The following PIAS1 variants were observed in gnomAD, a reference collection of about 807,000 sequenced individuals.
PIAS1 encodes protein inhibitor of activated STAT 1.
PIAS1 carries 6 observed loss-of-function variants against 71.3 expected under a neutral mutation model. The ratio of observed to expected loss-of-function variants is 0.08; its 90% CI spans 0.05 to 0.17. The LOEUF is 0.17. Ranked by LOEUF, PIAS1 falls within the 10% of genes least tolerant of loss-of-function variation. PIAS1 has a pLI of 1.00. For synonymous variants in PIAS1, 303 were observed against 292.9 expected (o/e 1.03, Z -0.35); for missense variants, 555 against 793.6 (o/e 0.70, Z 3.61).
At chr15:68,091,716 G>T (rs758798882) in intron 2 of PIAS1, among the ~76,000 whole-genome samples, 3 of 152,138 alleles carry the variant, frequency 2.0e-5, no homozygotes, top group Non-Finnish European at 4.4e-5. Context: ...TACCAAACAT[G>T]ATAGGTTAGC....
At chr15:68,113,963 A>T (rs1455480559) in intron 2 of PIAS1, among the ~76,000 whole-genome samples, 3 of 151,974 alleles carry the variant, frequency 2.0e-5, no homozygotes. Context: ...TTGAAAATTC[A>T]GAAATCTAGC....
intron 7 of PIAS1, among the ~76,000 whole-genome samples, chr15:68,164,351 C>G (rs952120531): frequency 3.3e-5 from 5 of 151,830 alleles, no homozygotes; most frequent in African/African-American, 1.2e-4. Context: ...AGTAGAAGAG[C>G]CCAAGTAATA....
intron 2 of PIAS1, among the ~76,000 whole-genome samples, chr15:68,087,680 T>TA (rs1387017517): frequency 6.6e-6 from 1 of 152,198 alleles, no homozygotes; most frequent in Non-Finnish European, 1.5e-5. Flanking sequence ...TTTACCCGTA[T>TA]AGTAAAAGCT....
chr15:68,055,736 C>CT (rs2091888919), intron 1 of PIAS1: 1 of 503,738 alleles, frequency 2.0e-6, no homozygotes, highest in African/African-American at 1.9e-5. Context: ...GGAGAGTCTT[C>CT]TTTTTATAAT....
At chr15:68,129,803 ACAC>A (rs1231804258) in intron 2 of PIAS1, among the ~76,000 whole-genome samples, 3 of 133,488 alleles carry the variant, frequency 2.2e-5, no homozygotes, top group African/African-American at 8.6e-5. Flanking sequence ...TTACACACAC[ACAC>A]ACACACACAC....
chr15:68,156,788 T>C (rs1355388768), intron 7 of PIAS1, among the ~76,000 whole-genome samples: 1 of 150,442 alleles, frequency 6.6e-6, no homozygotes, highest in Non-Finnish European at 1.5e-5. Context: ...AGGTATAAGT[T>C]GACATAGACG....
chr15:68,097,717 G>A (rs1299183758), intron 2 of PIAS1, among the ~76,000 whole-genome samples: 1 of 152,138 alleles, frequency 6.6e-6, no homozygotes, highest in Non-Finnish European at 1.5e-5. Context: ...ACAGGTGTGA[G>A]CCACCGTGCC....
chr15:68,121,102 T>G (rs780513388), intron 2 of PIAS1, among the ~76,000 whole-genome samples: 29 of 152,208 alleles, frequency 1.9e-4, no homozygotes, highest in African/African-American at 3.9e-4. Context: ...TAATCTGGTG[T>G]TGTTTTCCTA....
In PIAS1 at chr15:68,065,234, C is replaced by G. The variant is rs2092004357; in HGVS notation, c.24+10884C>G. On this transcript the variant is annotated intron_variant, in intron 1 of 13. Coordinates refer to ENST00000249636, the MANE Select transcript of PIAS1 (RefSeq NM_016166.3). ...TTTAAAATTTACAGTACAGCAGTGC[C>G]TAATTTAAAATGGGACGATCCCTTT... Among the ~76,000 whole-genome samples the G allele has an allele frequency of 2.0e-5, 3 of 152,002 alleles. No homozygotes were observed. The South Asian group carries it at 6.2e-4, about 31-fold the overall frequency.
At position 68,186,847 on chromosome 15, in the gene PIAS1, C is replaced by G. The variant is rs1396452623; in HGVS notation, c.1663-695C>G. 6.6e-6 allele frequency among the ~76,000 whole-genome samples: 1 copy of G among 152,282 alleles called. No homozygotes were observed. The highest frequency in any genetic ancestry group is 1.9e-4 in the East Asian group (1 of 5,204). The stretch of plus-strand genomic sequence containing the variant: ...CCTGGGAGCAGTAGGCCAGACCACA[C>G]AGCCTAGGTGTGTAGCAGGCTCTAC... On this transcript the variant is annotated intron_variant, in intron 13 of 13. Coordinates refer to ENST00000249636, the MANE Select transcript of PIAS1 (RefSeq NM_016166.3). The surrounding 1 kb of genome is among the most constrained non-coding windows in gnomAD (Gnocchi z 4.4).
chr15:68,149,564 A>G (rs2092831761), intron 6 of PIAS1, among the ~76,000 whole-genome samples: 1 of 152,018 alleles, frequency 6.6e-6, no homozygotes, highest in African/African-American at 2.4e-5. Flanking sequence ...TGGGTTTCCT[A>G]CAATTCCTGC....
chr15:68,119,847 C>G (rs2092598631), intron 2 of PIAS1, among the ~76,000 whole-genome samples: 2 of 152,218 alleles, frequency 1.3e-5, no homozygotes, highest in African/African-American at 4.8e-5. Context: ...TTTGGAAGCT[C>G]TACTATTATG....
intron 2 of PIAS1, among the ~76,000 whole-genome samples, chr15:68,111,769 A>G (rs951354368): frequency 2.0e-5 from 3 of 152,200 alleles, no homozygotes; most frequent in African/African-American, 4.8e-5. Flanking sequence ...AAGGTTTATT[A>G]TACTAAACGG....
At chr15:68,133,004 G>A (rs1279050404) in intron 2 of PIAS1, among the ~76,000 whole-genome samples, 1 of 149,242 alleles carries the variant, frequency 6.7e-6, no homozygotes, top group Non-Finnish European at 1.5e-5. Flanking sequence ...TCCGAAAAAA[G>A]CCAGTAGCTT....
chr15:68,068,438 G>A (rs956599608), intron 1 of PIAS1, among the ~76,000 whole-genome samples: 3 of 152,136 alleles, frequency 2.0e-5, no homozygotes, highest in Non-Finnish European at 4.4e-5. Context: ...AATTACCACA[G>A]TGATTTACCC....
intron 2 of PIAS1, among the ~76,000 whole-genome samples, chr15:68,092,582 G>T (rs1160174442): frequency 1.3e-5 from 2 of 152,188 alleles, no homozygotes; most frequent in Non-Finnish European, 2.9e-5. Context: ...AAATTCAAAT[G>T]TTGAAACCTA....
intron 8 of PIAS1, among the ~76,000 whole-genome samples, chr15:68,172,167 G>T (rs1187982265): frequency 1.3e-5 from 2 of 151,380 alleles, no homozygotes; most frequent in African/African-American, 4.9e-5. Context: ...TGTGATGTTT[G>T]GTTTTCTGTC....
intron 2 of PIAS1, among the ~76,000 whole-genome samples, chr15:68,104,493 T>C (rs1196297698): frequency 1.3e-5 from 2 of 152,222 alleles, no homozygotes; most frequent in Admixed American, 6.5e-5. Flanking sequence ...CACTAATTTA[T>C]TCTATCAGAC....
At chr15:68,157,815 T>C (rs981067019) in intron 7 of PIAS1, among the ~76,000 whole-genome samples, 3 of 152,170 alleles carry the variant, frequency 2.0e-5, no homozygotes, top group African/African-American at 2.4e-5. Flanking sequence ...TTCAGACTTA[T>C]ATAGCTAACT....
Sources: allele counts gnomAD v4.1 joint callset (sites outside exome capture counted in the v4.1 genomes callset), GRCh38; gene constraint gnomAD v4.1.1; non-coding constraint Gnocchi (gnomAD v3.1); transcripts MANE v1.5; gene names NCBI Gene and HGNC (gene_info 2026-07-23, HGNC 2026-07-21).